ASIC2: variants seen among roughly 807,000 people sequenced by gnomAD.
ASIC2 encodes acid sensing ion channel subunit 2.
ASIC2 carries 25 observed loss-of-function variants against 57.3 expected under a neutral mutation model. The ratio of observed to expected loss-of-function variants is 0.44; its 90% confidence interval spans 0.32 to 0.61. The LOEUF (loss-of-function observed/expected upper bound fraction) is 0.61, where lower values mean the gene tolerates loss of function less well. Among genes scored for constraint, ASIC2 ranks in the 20% least tolerant of loss-of-function variants. The pLI is 0.06. For missense variants in ASIC2, 641 were observed against 738.1 expected (o/e 0.87, Z 1.52); for synonymous variants, 319 against 307.5 (o/e 1.04, Z -0.39).
At chr17:33,282,133 GTTT>G in intron 1 of ASIC2, among the ~76,000 whole-genome samples, 2 of 152,346 alleles carry the variant, frequency 1.3e-5, no homozygotes, top group South Asian at 4.1e-4. Flanking sequence ...AATAGAAAGT[GTTT>G]TGTACATCAG....
At chr17:33,860,493 C>A (rs1468239581) in intron 1 of ASIC2, among the ~76,000 whole-genome samples, 1 of 152,192 alleles carries the variant, frequency 6.6e-6, no homozygotes, top group African/African-American at 2.4e-5. Flanking sequence ...GGAACAATAA[C>A]TTTTCTGGTC....
chr17:33,373,895 C>T (rs973717933), intron 1 of ASIC2, among the ~76,000 whole-genome samples: 2 of 152,208 alleles, frequency 1.3e-5, no homozygotes, highest in African/African-American at 2.4e-5. Context: ...CCAGACTGCT[C>T]TAGACCTCCT....
intron 1 of ASIC2, among the ~76,000 whole-genome samples, chr17:33,128,522 T>C (rs1031956104): frequency 6.6e-6 from 1 of 152,192 alleles, no homozygotes; most frequent in Non-Finnish European, 1.5e-5. Flanking sequence ...ATCACACCCA[T>C]GCAGGAGGGA....
At chr17:33,979,619 T>A (rs1287178931) in intron 1 of ASIC2, among the ~76,000 whole-genome samples, 1 of 152,148 alleles carries the variant, frequency 6.6e-6, no homozygotes, top group Non-Finnish European at 1.5e-5. Context: ...AGGAAAAAGT[T>A]ACAAAATCCC....
intron 1 of ASIC2, among the ~76,000 whole-genome samples, chr17:33,737,955 A>T (rs1909974704): frequency 6.6e-6 from 1 of 152,366 alleles, no homozygotes; most frequent in East Asian, 1.9e-4. Flanking sequence ...GGTAAACAAA[A>T]AAATAAATAA....
intron 1 of ASIC2, among the ~76,000 whole-genome samples, chr17:33,920,546 G>A (rs1328483375): frequency 1.3e-5 from 2 of 151,970 alleles, no homozygotes; most frequent in Non-Finnish European, 2.9e-5. Context: ...TAGACAGTGG[G>A]GACTACCAGA....
At chr17:33,437,950 G>C (rs562662369) in intron 1 of ASIC2, among the ~76,000 whole-genome samples, 3 of 152,176 alleles carry the variant, frequency 2.0e-5, no homozygotes, top group African/African-American at 7.2e-5. Flanking sequence ...TAAACTACAG[G>C]CTTTTATTAG....
At chr17:33,267,856 C>T (rs992494688) in intron 1 of ASIC2, among the ~76,000 whole-genome samples, 2 of 152,104 alleles carry the variant, frequency 1.3e-5, no homozygotes, top group African/African-American at 4.8e-5. Flanking sequence ...CTGGTGTTTC[C>T]TTGAGGGAAC....
intron 6 of ASIC2, among the ~76,000 whole-genome samples, chr17:33,023,245 T>C (rs2091844985): frequency 6.6e-6 from 1 of 152,102 alleles, no homozygotes; most frequent in Admixed American, 6.5e-5. Context: ...CCCAGCACTT[T>C]AGGAGGCCGA....
At chr17:34,107,999 T>C (rs969838786) in intron 1 of ASIC2, among the ~76,000 whole-genome samples, 40 of 152,118 alleles carry the variant, frequency 2.6e-4, no homozygotes, top group African/African-American at 9.2e-4. Flanking sequence ...TTATCCTTCT[T>C]ATGTTCTTTA....
chr17:33,465,859 G>A (rs1223319536), intron 1 of ASIC2, among the ~76,000 whole-genome samples: 1 of 152,190 alleles, frequency 6.6e-6, no homozygotes, highest in Non-Finnish European at 1.5e-5. Context: ...GTGGAGATGT[G>A]TAGAAAAGTT....
At chr17:33,564,752 C>T (rs907723065) in intron 1 of ASIC2, among the ~76,000 whole-genome samples, 6 of 152,182 alleles carry the variant, frequency 3.9e-5, no homozygotes, top group African/African-American at 1.4e-4. Context: ...ATGGCCCTAA[C>T]GCCCACGCTG....
chr17:33,899,411 C>T (rs1915183346), intron 1 of ASIC2, among the ~76,000 whole-genome samples: 1 of 152,084 alleles, frequency 6.6e-6, no homozygotes, highest in Non-Finnish European at 1.5e-5. Flanking sequence ...TTGTCTTTCA[C>T]GATCTTGACA....
intron 1 of ASIC2, among the ~76,000 whole-genome samples, chr17:33,312,233 T>C (rs1190217314): frequency 6.6e-6 from 1 of 152,138 alleles, no homozygotes; most frequent in East Asian, 1.9e-4. Flanking sequence ...TAGTGCCTGG[T>C]GTATAGTAAA....
At chr17:33,659,482 GT>G (rs1258394806) in intron 1 of ASIC2, among the ~76,000 whole-genome samples, 1 of 152,316 alleles carries the variant, frequency 6.6e-6, no homozygotes, top group African/African-American at 2.4e-5. Flanking sequence ...TTATGCGACT[GT>G]CCTCAATACT....
At chr17:33,070,517 T>G (rs2092064451) in intron 3 of ASIC2, among the ~76,000 whole-genome samples, 1 of 152,100 alleles carries the variant, frequency 6.6e-6, no homozygotes, top group Non-Finnish European at 1.5e-5. Flanking sequence ...TTTACATTTT[T>G]AGTAGAGACA....
intron 1 of ASIC2, among the ~76,000 whole-genome samples, chr17:33,873,081 C>A (rs1428423774): frequency 6.6e-6 from 1 of 152,170 alleles, no homozygotes; most frequent in Non-Finnish European, 1.5e-5. Context: ...CTGTTGCCGG[C>A]CCATTCTCCT....
intron 1 of ASIC2, among the ~76,000 whole-genome samples, chr17:33,810,541 C>A (rs1216473512): frequency 6.6e-6 from 1 of 152,162 alleles, no homozygotes; most frequent in Non-Finnish European, 1.5e-5. Context: ...TCTCCCTTCT[C>A]TCCAAAGGTG....
intron 1 of ASIC2, among the ~76,000 whole-genome samples, chr17:33,345,140 T>A (rs934293982): frequency 5.3e-5 from 8 of 152,232 alleles, no homozygotes; most frequent in Admixed American, 2.0e-4. Flanking sequence ...AGTGTCCATT[T>A]GCATTCAAAT....
Sources: allele counts gnomAD v4.1 joint callset (sites outside exome capture counted in the v4.1 genomes callset), GRCh38; gene constraint gnomAD v4.1.1; transcripts MANE v1.5; gene names NCBI Gene and HGNC (gene_info 2026-07-23, HGNC 2026-07-21).